The following ASIC4 variants were observed in gnomAD, a reference collection of about 807,000 sequenced individuals.
ASIC4 encodes the protein acid sensing ion channel subunit family member 4.
Under a neutral mutation model 53.4 loss-of-function variants are expected in ASIC4, and 28 were observed. The ratio of observed to expected loss-of-function variants is 0.52; its 90% CI spans 0.39 to 0.72. The LOEUF (loss-of-function observed/expected upper bound fraction) is 0.72, where lower values mean the gene tolerates loss of function less well. Among genes scored for constraint, ASIC4 ranks in the 30% least tolerant of loss-of-function variants. The probability of loss-of-function intolerance (pLI) is 0.00; values close to 1 mark genes in which losing one functional copy is unlikely to be tolerated. For missense variants in ASIC4, 649 were observed against 729.7 expected, an observed-to-expected ratio of 0.89 and a Z score of 1.27; for synonymous variants, 289 against 301.4, an observed-to-expected ratio of 0.96 and a Z score of 0.43.
rs903059309 is a variant in ASIC4 at position 219,536,941 on chromosome 2, CG to C, written c.1230-119del. The C allele has an allele frequency of 1.5e-5, 12 of 789,122 alleles. No individual in the cohort carries two copies. Among genetic ancestry groups the C allele is most frequent in the East Asian group, 5.1e-5 (2 of 38,868 alleles). 48.9% of individuals were successfully genotyped at this position (789,122 alleles called of 1,614,324 possible). ...CCTCCCCTCACAGCCTTGGGGAGTC[CG>C]GGGGGTAGTCACTGACTTCCCCATG... On this transcript the variant is annotated intron_variant, in intron 6 of 9. Coordinates refer to ENST00000358078, the MANE Select transcript of ASIC4 (RefSeq NM_018674.6). The surrounding 1 kb of genome is among the most constrained non-coding windows in gnomAD (Gnocchi z 4.6).
chr2:219,511,398 C>CT (rs1393075457), upstream of ASIC4, among the ~76,000 whole-genome samples: 1 of 150,862 alleles, frequency 6.6e-6, no homozygotes, highest in African/African-American at 2.4e-5. This position sits in a 1 kb window ranked among gnomAD's most constrained non-coding sequence, Gnocchi z 5.3. Flanking sequence ...CACTGCCCCC[C>CT]CCCCACATTC....
chr2:219,507,279 G>A, the ASIC4 span, among the ~76,000 whole-genome samples: 1 of 152,168 alleles, frequency 6.6e-6, no homozygotes, highest in Non-Finnish European at 1.5e-5. Context: ...CAAGGATTCC[G>A]AAGGGAAGGG....
At chr2:219,531,967 T>C in intron 2 of ASIC4, 34 bp from the exon 3 acceptor site, 1 of 1,613,694 alleles carries the variant, frequency 6.2e-7, no homozygotes, top group Non-Finnish European at 8.5e-7. Flanking sequence ...CTGCCTGGGA[T>C]GGGTTTCCAA....
rs1695163113 is a variant in ASIC4, at chr2:219,537,559, G to C, written c.1402-73G>C. 1 of 1,348,788 alleles carries C rather than the reference G, an allele frequency of 7.4e-7. No individual in the cohort carries two copies. The highest frequency in any genetic ancestry group is 1.0e-6 in the Non-Finnish European group (1 of 970,942). 83.6% of individuals were successfully genotyped at this position (1,348,788 alleles called of 1,614,324 possible). ...GGCAGTAAGTCCTGTGGGCAGCTGG[G>C]CATGGTAAGGCTCACGCTTCTCCTC... On this transcript the variant is annotated intron_variant, in intron 8 of 9. Coordinates refer to ENST00000358078, the MANE Select transcript of ASIC4 (RefSeq NM_018674.6). This position sits in a 1 kb window ranked among gnomAD's most constrained non-coding sequence, Gnocchi z 4.9.
chr2:219,527,532 G>A (rs941888256), intron 1 of ASIC4, among the ~76,000 whole-genome samples: 1 of 152,170 alleles, frequency 6.6e-6, no homozygotes, highest in Non-Finnish European at 1.5e-5. Flanking sequence ...CAGCCCCTCC[G>A]AGAGTCAGGA....
upstream of ASIC4, among the ~76,000 whole-genome samples, chr2:219,513,198 C>G (rs1466603313): frequency 2.0e-5 from 3 of 152,292 alleles, no homozygotes; most frequent in East Asian, 5.8e-4. Context: ...TCCACGCTTC[C>G]TCTCCCTGCT....
In ASIC4 at chr2:219,537,707, A is replaced by G; in HGVS notation, c.1477A>G (p.Thr493Ala). Residue 493 changes from threonine (T) to alanine (A), a missense_variant, in exon 9 of 10, where the codon ACT becomes GCT. Coordinates refer to ENST00000358078, the MANE Select transcript of ASIC4 (RefSeq NM_018674.6). This position sits in a 1 kb window ranked among gnomAD's most constrained non-coding sequence, Gnocchi z 4.9. ...PLRTSTGGISTLGLQELKEQS... is the reference protein window; with the variant it reads ...PLRTSTGGISALGLQELKEQS... ...GCGGACCTCCACTGGGGGCATCTCC[A>G]CTTTGGGGCTTCAGGAGCTGAAGGA... The G allele has an allele frequency of 6.2e-7, 1 of 1,613,918 alleles. No individual in the cohort carries two copies. The highest frequency in any genetic ancestry group is 8.5e-7 in the Non-Finnish European group (1 of 1,179,910).
intron 1 of ASIC4, among the ~76,000 whole-genome samples, chr2:219,523,367 T>C (rs1283250236): frequency 6.6e-6 from 1 of 152,188 alleles, no homozygotes; most frequent in Non-Finnish European, 1.5e-5. Context: ...ACCACAGCCT[T>C]CTTCCACGGC....
chr2:219,526,346 G>A (rs990042593), intron 1 of ASIC4, among the ~76,000 whole-genome samples: 1 of 152,012 alleles, frequency 6.6e-6, no homozygotes, highest in Admixed American at 6.5e-5. Context: ...TTGGGTCAGG[G>A]TGGGGAGCCT....
intron 1 of ASIC4, among the ~76,000 whole-genome samples, chr2:219,527,516 C>T (rs1450049124): frequency 2.0e-5 from 3 of 152,164 alleles, no homozygotes; most frequent in Non-Finnish European, 2.9e-5. Flanking sequence ...GGTAGGGACG[C>T]TGCCCCAGCC....
intron 6 of ASIC4, among the ~76,000 whole-genome samples, chr2:219,535,799 G>A (rs1311540387): frequency 7.0e-6 from 1 of 143,250 alleles, no homozygotes. Flanking sequence ...TTGAGACAGA[G>A]TCTTGCTCTG....
the ASIC4 span, among the ~76,000 whole-genome samples, chr2:219,507,830 G>A: frequency 2.0e-5 from 3 of 152,172 alleles, no homozygotes; most frequent in African/African-American, 7.2e-5. Flanking sequence ...GCAGGCAGGG[G>A]TGGCAGGCAG....
rs1695163210 is a variant in ASIC4, at chr2:219,537,561, A to G, written c.1402-71A>G. 1 of 1,366,332 alleles carries G rather than the reference A, an allele frequency of 7.3e-7. No individual in the cohort carries two copies. The highest frequency in any genetic ancestry group is 2.4e-5 in the East Asian group (1 of 42,392). 84.6% of individuals were successfully genotyped at this position (1,366,332 alleles called of 1,614,324 possible). On this transcript the variant is annotated intron_variant, in intron 8 of 9. Transcript: ENST00000358078. This position sits in a 1 kb window ranked among gnomAD's most constrained non-coding sequence, Gnocchi z 4.9. ...CAGTAAGTCCTGTGGGCAGCTGGGCATGGTAAGGCTCACGCTTCTCCTCAA... is the reference window on the plus strand; with the variant it reads ...CAGTAAGTCCTGTGGGCAGCTGGGCGTGGTAAGGCTCACGCTTCTCCTCAA...
chr2:219,532,304 C>T lies in ASIC4; in HGVS notation c.856-11C>T. ...TCCTGAGCATGACCTCATCATGCCC[C>T]ACCTCTGCAGCTGACCTACCTGCCC... On this transcript the variant is annotated splice_polypyrimidine_tract_variant and intron_variant, in intron 3 of 9. Transcript: ENST00000358078. 6.2e-7 allele frequency: 1 copy of T among 1,607,318 alleles called. No individual in the cohort carries two copies.
chr2:219,513,424 G>A (rs538704275), upstream of ASIC4, among the ~76,000 whole-genome samples: 218 of 147,344 alleles, frequency 1.5e-3, 2 homozygotes, highest in African/African-American at 5.2e-3. Context: ...TCCCCTCCAC[G>A]AGAACACAGC....
In ASIC4 at chr2:219,532,414, C is replaced by T. The variant is rs749181230; in HGVS notation, c.955C>T (p.Arg319Trp). The change falls in exon 4 of 10, where the codon CGG (arginine) becomes TGG (tryptophan). Residue 319 changes from arginine (R) to tryptophan (W), a missense_variant. By Grantham distance (101) the Arg-to-Trp change is moderately radical. Coordinates refer to ENST00000358078, the MANE Select transcript of ASIC4 (RefSeq NM_018674.6). ...CTCGGCCTACAGTGTGTCTGCCTGC[C>T]GGCTGCGCTGTGAAAAGGAGGCCGT... Reference protein sequence around the residue: ...GYSAYSVSACRLRCEKEAVLQ... With the variant: ...GYSAYSVSACWLRCEKEAVLQ... The T allele has an allele frequency of 4.1e-5, 66 of 1,613,888 alleles. No homozygotes were observed. Among genetic ancestry groups the T allele is most frequent in the East Asian group, 1.1e-4 (5 of 44,878 alleles).
chr2:219,511,886 G>A (rs985813226), upstream of ASIC4, among the ~76,000 whole-genome samples: 1 of 152,038 alleles, frequency 6.6e-6, no homozygotes, highest in Non-Finnish European at 1.5e-5. This position sits in a 1 kb window ranked among gnomAD's most constrained non-coding sequence, Gnocchi z 5.3. Context: ...AGGGAGGCAG[G>A]CAGGGAAGCG....
At chr2:219,524,373 C>T (rs773396094) in intron 1 of ASIC4, among the ~76,000 whole-genome samples, 1 of 152,206 alleles carries the variant, frequency 6.6e-6, no homozygotes, top group Non-Finnish European at 1.5e-5. Context: ...GGGTGGACTC[C>T]AGGGCCAGAC....
intron 1 of ASIC4, among the ~76,000 whole-genome samples, chr2:219,528,590 A>G (rs1339118136): frequency 1.3e-5 from 2 of 151,250 alleles, no homozygotes; most frequent in Non-Finnish European, 2.9e-5. Flanking sequence ...CCCAGGCTGG[A>G]GTGCGGTGGT....
Sources: allele counts gnomAD v4.1 joint callset (sites outside exome capture counted in the v4.1 genomes callset), GRCh38; gene constraint gnomAD v4.1.1; non-coding constraint Gnocchi (gnomAD v3.1); transcripts MANE v1.5; gene names NCBI Gene and HGNC (gene_info 2026-07-23, HGNC 2026-07-21).